NRK: variants seen among roughly 807,000 people sequenced by gnomAD.
The protein encoded by NRK is nik-related protein kinase.
Under a neutral mutation model 125.2 loss-of-function variants are expected in NRK, and 67 were observed. That is an observed-to-expected ratio of 0.54 (90% CI 0.44 to 0.66). The LOEUF (loss-of-function observed/expected upper bound fraction) is 0.66. NRK is among the 30% of genes least tolerant of loss of function. The probability of loss-of-function intolerance (pLI) is 0.00; values close to 1 mark genes in which losing one functional copy is unlikely to be tolerated. For synonymous variants in NRK, 458 were observed against 429.0 expected (o/e 1.07, Z -0.84); for missense variants, 1,224 against 1,192.9 (o/e 1.03, Z -0.38).
At chrX:105,886,462 A>G (rs1294004124) in intron 4 of NRK, among the ~76,000 whole-genome samples, 2 of 103,888 alleles carry the variant, frequency 1.9e-5, no homozygotes, top group Non-Finnish European at 3.9e-5. Flanking sequence ...ATATAATTAT[A>G]TTATATATAA....
chrX:105,931,506 A>G (rs1417024023), intron 19 of NRK, among the ~76,000 whole-genome samples: 3 of 111,472 alleles, frequency 2.7e-5, no homozygotes, highest in East Asian at 2.8e-4. Flanking sequence ...TGTGGTGGCA[A>G]TTGGGGCTGA....
At chrX:105,866,722 A>C (rs2039676203) in intron 2 of NRK, among the ~76,000 whole-genome samples, 1 of 112,447 alleles carries the variant, frequency 8.9e-6, no homozygotes, top group African/African-American at 3.2e-5. Context: ...CTAATGCATT[A>C]ATACTTTTGA....
intron 16 of NRK, among the ~76,000 whole-genome samples, chrX:105,919,507 C>G (rs1308840243): frequency 4.5e-5 from 5 of 111,759 alleles, no homozygotes; most frequent in African/African-American, 1.6e-4. Context: ...GTCACTTTCT[C>G]AGGCACACTG....
At chrX:105,828,677 C>A (rs1040351274) in intron 1 of NRK, among the ~76,000 whole-genome samples, 3 of 111,625 alleles carry the variant, frequency 2.7e-5, no homozygotes, top group Non-Finnish European at 5.7e-5. Context: ...TAAAATAAAT[C>A]CCTCAATGAT....
intron 11 of NRK, chrX:105,907,957 C>T (rs747180335): frequency 5.8e-5 from 10 of 171,998 alleles, no homozygotes; most frequent in Admixed American, 1.6e-4. Flanking sequence ...CTCCCTTTGT[C>T]CCATTCTCTC....
rs186596589 is a variant in NRK, at chrX:105,891,431, T to C, written c.379-2401T>C. Among the ~76,000 whole-genome samples, 344 of 112,313 alleles carry C rather than the reference T, an allele frequency of 3.1e-3. 1 individual carries two copies. The highest frequency in any genetic ancestry group is 9.2e-3 in the Middle Eastern group (2 of 217). On this transcript the variant is annotated intron_variant, in intron 5 of 28. Transcript: ENST00000243300. ...ATCTCTATACTTGCTGCATTTCCATTCCATGTCCAAGTTAGTAGTATTTTT... is the reference window on the plus strand; with the variant it reads ...ATCTCTATACTTGCTGCATTTCCATCCCATGTCCAAGTTAGTAGTATTTTT...
intron 23 of NRK, among the ~76,000 whole-genome samples, chrX:105,942,332 C>T (rs1012301700): frequency 7.2e-5 from 8 of 111,316 alleles, no homozygotes; most frequent in African/African-American, 2.0e-4. Flanking sequence ...GTGGTTGCAC[C>T]GTTTCACATT....
At chrX:105,899,439 C>G (rs1354715937) in intron 8 of NRK, among the ~76,000 whole-genome samples, 1 of 111,776 alleles carries the variant, frequency 8.9e-6, no homozygotes, top group Non-Finnish European at 1.9e-5. Flanking sequence ...CATCTCTTTT[C>G]CCTTTCCTTA....
chrX:105,955,420 G>A (rs2040963070), intron 28 of NRK, 85 bp from the exon 29 acceptor site: 2 of 519,347 alleles, frequency 3.9e-6, no homozygotes, highest in South Asian at 3.5e-5. Flanking sequence ...TTAATTAGCA[G>A]ATGCAGATAA....
In NRK at chrX:105,953,165, G is replaced by C; in HGVS notation, c.4645G>C (p.Gly1549Arg). The C allele has an allele frequency of 8.5e-7, 1 of 1,182,816 alleles. No individual in the cohort carries two copies. Among genetic ancestry groups the C allele is most frequent in the Non-Finnish European group, 1.1e-6 (1 of 877,678 alleles). The change falls in exon 28 of 29, where the codon GGT becomes CGT. Residue 1549 changes from glycine to arginine, a missense_variant. Gly to Arg is a moderately radical substitution (Grantham distance 125). Transcript: ENST00000243300. Reference protein sequence around the residue: ...IKKLRFLCTRGDKLFFTSTLR... With the variant: ...IKKLRFLCTRRDKLFFTSTLR... Reference sequence around the variant, plus strand: ...GAAGCTGAGATTCCTGTGCACCCGGGGTGACAAGGTATAGCTTACACCCTC... The same window carrying C: ...GAAGCTGAGATTCCTGTGCACCCGGCGTGACAAGGTATAGCTTACACCCTC...
At chrX:105,928,714 C>A (rs910417862) in intron 19 of NRK, among the ~76,000 whole-genome samples, 16 of 111,187 alleles carry the variant, frequency 1.4e-4, no homozygotes, top group African/African-American at 3.9e-4. Flanking sequence ...CAAATAATTT[C>A]TTAATTTCCT....
intron 8 of NRK, among the ~76,000 whole-genome samples, chrX:105,900,181 C>T (rs915181530): frequency 9.2e-6 from 1 of 108,512 alleles, no homozygotes; most frequent in Non-Finnish European, 1.9e-5. Flanking sequence ...CACACACACA[C>T]ACACACACAC....
chrX:105,880,349 T>C (rs375020770), intron 3 of NRK, 94 bp downstream of exon 3: 5 of 309,298 alleles, frequency 1.6e-5, no homozygotes, highest in East Asian at 1.1e-4. Flanking sequence ...TTTAAATCAT[T>C]ATTTTATATA....
chrX:105,924,752 A>C lies in NRK; in HGVS notation c.3033A>C (p.Gly1011=), dbSNP rs778659337. 1 of 1,203,461 alleles carries C rather than the reference A, an allele frequency of 8.3e-7. No individual in the cohort carries two copies. Among genetic ancestry groups the C allele is most frequent in the Non-Finnish European group, 1.1e-6 (1 of 891,620 alleles). Residue 1011 remains glycine, a synonymous_variant, in exon 19 of 29, where the codon GGA becomes GGC. Coordinates refer to ENST00000243300, the MANE Select transcript of NRK (RefSeq NM_198465.4). ...CKQDGYDGSR[G]KEEAYRGYGS... Reference sequence around the variant, plus strand: ...AAGATGGTTATGATGGAAGTCGTGGAAAAGAGGAAGCCTACAGAGGCTATG... The same window carrying C: ...AAGATGGTTATGATGGAAGTCGTGGCAAAGAGGAAGCCTACAGAGGCTATG...
intron 2 of NRK, among the ~76,000 whole-genome samples, chrX:105,873,314 C>T (rs773463125): frequency 1.2e-4 from 13 of 111,118 alleles, no homozygotes; most frequent in African/African-American, 2.3e-4. Context: ...TTAACTGCTG[C>T]GGAATGGTGG....
At chrX:105,827,289 G>T (rs2039128083) in intron 1 of NRK, among the ~76,000 whole-genome samples, 1 of 112,067 alleles carries the variant, frequency 8.9e-6, no homozygotes, top group Non-Finnish European at 1.9e-5. Context: ...GAAAGCCTCT[G>T]CTGTCTCCTT....
At chrX:105,829,378 C>T (rs1296060124) in intron 1 of NRK, among the ~76,000 whole-genome samples, 2 of 111,977 alleles carry the variant, frequency 1.8e-5, no homozygotes, top group Admixed American at 1.9e-4. Flanking sequence ...TTTATCACAG[C>T]AATAAAAATG....
chrX:105,913,958 C>G (rs186534456), intron 14 of NRK, among the ~76,000 whole-genome samples: 5 of 110,604 alleles, frequency 4.5e-5, no homozygotes, highest in African/African-American at 1.6e-4. Context: ...ATTGGTGAGG[C>G]CGGAGTTGTA....
chrX:105,861,356 G>T (rs2039600003), intron 2 of NRK, among the ~76,000 whole-genome samples: 1 of 112,329 alleles, frequency 8.9e-6, no homozygotes, highest in African/African-American at 3.2e-5. Flanking sequence ...CACTCTGTGG[G>T]TTGTCTTTTC....
Sources: allele counts gnomAD v4.1 joint callset (sites outside exome capture counted in the v4.1 genomes callset), GRCh38; gene constraint gnomAD v4.1.1; transcripts MANE v1.5; gene names NCBI Gene and HGNC (gene_info 2026-07-23, HGNC 2026-07-21).